Variants in PLCXD3 observed in about 807,000 individuals in gnomAD.
PLCXD3 encodes phosphatidylinositol specific phospholipase C X domain containing 3, also known as PI-PLC X domain-containing protein 3.
PLCXD3 carries 19 observed loss-of-function variants against 25.5 expected under a neutral mutation model. The ratio of observed to expected loss-of-function variants is 0.75; its 90% CI spans 0.52 to 1.09. The LOEUF is 1.09. PLCXD3 is among the 50% of genes least tolerant of loss of function. The pLI is 0.00. For synonymous variants in PLCXD3, 174 were observed against 137.6 expected (o/e 1.26, Z -1.85); for missense variants, 411 against 388.1 (o/e 1.06, Z -0.50).
At chr5:41,371,396 C>G (rs531902638) in intron 2 of PLCXD3, among the ~76,000 whole-genome samples, 97 of 152,272 alleles carry the variant, frequency 6.4e-4, no homozygotes, top group African/African-American at 2.2e-3. Flanking sequence ...CAGATAAGGT[C>G]ACCACCTCTC....
chr5:41,475,049 T>A (rs1748249968), intron 1 of PLCXD3, among the ~76,000 whole-genome samples: 1 of 152,156 alleles, frequency 6.6e-6, no homozygotes, highest in African/African-American at 2.4e-5. Context: ...CCTTTCCTGT[T>A]CACCACCCTC....
chr5:41,320,233 G>A (rs759511814), intron 2 of PLCXD3, among the ~76,000 whole-genome samples: 38 of 152,130 alleles, frequency 2.5e-4, no homozygotes, highest in Non-Finnish European at 5.1e-4. Flanking sequence ...AAATAGAGGA[G>A]GAGGGAATAT....
rs561688633 is a variant in PLCXD3 at position 41,499,998 on chromosome 5, G to A, written c.103+10426C>T. Among the ~76,000 whole-genome samples, 80 of 151,754 alleles carry A rather than the reference G, an allele frequency of 5.3e-4. 1 individual carries two copies. The highest frequency in any genetic ancestry group is 3.4e-3 in the Middle Eastern group (1 of 294). On this transcript the variant is annotated intron_variant, in intron 1 of 2. Transcript: ENST00000377801. ...ATGTAAATTAGTACAGCCTCTATGG[G>A]AAATAGTATGGCTATTTCTCAAAGA...
intron 1 of PLCXD3, among the ~76,000 whole-genome samples, chr5:41,501,592 T>C (rs1748951905): frequency 1.3e-5 from 2 of 151,972 alleles, no homozygotes; most frequent in Admixed American, 1.3e-4. Context: ...TCATGCAAGA[T>C]GAAAAAGTTC....
chr5:41,462,635 G>A (rs920700724), intron 1 of PLCXD3, among the ~76,000 whole-genome samples: 1 of 151,952 alleles, frequency 6.6e-6, no homozygotes, highest in South Asian at 2.1e-4. Flanking sequence ...GTAGAATAAA[G>A]TGTCTTCTTA....
At chr5:41,493,310 A>C (rs1487852971) in intron 1 of PLCXD3, among the ~76,000 whole-genome samples, 4 of 152,124 alleles carry the variant, frequency 2.6e-5, no homozygotes, top group African/African-American at 4.8e-5. Context: ...TCAGAGGAGT[A>C]CCTGGCCGTG....
chr5:41,396,607 G>A (rs1482108685), intron 1 of PLCXD3, among the ~76,000 whole-genome samples: 1 of 152,186 alleles, frequency 6.6e-6, no homozygotes, highest in Non-Finnish European at 1.5e-5. Flanking sequence ...TGGGTAATGG[G>A]CTGAGTTTAG....
intron 2 of PLCXD3, among the ~76,000 whole-genome samples, chr5:41,344,920 T>A (rs1364081600): frequency 6.6e-6 from 1 of 152,142 alleles, no homozygotes; most frequent in Admixed American, 6.6e-5. Flanking sequence ...TAAAATCAAA[T>A]CATTCCCTTC....
At chr5:41,334,011 A>C (rs973456303) in intron 2 of PLCXD3, among the ~76,000 whole-genome samples, 4 of 152,116 alleles carry the variant, frequency 2.6e-5, no homozygotes, top group African/African-American at 9.7e-5. Flanking sequence ...AGCAACCCTT[A>C]TTTGCTAAAT....
chr5:41,437,333 G>A (rs141320990), intron 1 of PLCXD3, among the ~76,000 whole-genome samples: 40 of 152,328 alleles, frequency 2.6e-4, no homozygotes, highest in African/African-American at 9.6e-4. Flanking sequence ...CAAATACGTG[G>A]TGATAGACAT....
At chr5:41,452,120 T>C (rs545852560) in intron 1 of PLCXD3, among the ~76,000 whole-genome samples, 2 of 152,132 alleles carry the variant, frequency 1.3e-5, no homozygotes, top group Admixed American at 1.3e-4. Context: ...TGATTCTGTC[T>C]CCCAAATTTG....
intron 1 of PLCXD3, among the ~76,000 whole-genome samples, chr5:41,414,896 A>G: frequency 6.6e-6 from 1 of 152,216 alleles, no homozygotes; most frequent in East Asian, 1.9e-4. Flanking sequence ...CTTGTGTTTA[A>G]ATAACTCTTA....
At chr5:41,435,567 A>G (rs1243615228) in intron 1 of PLCXD3, among the ~76,000 whole-genome samples, 2 of 152,148 alleles carry the variant, frequency 1.3e-5, no homozygotes, top group African/African-American at 4.8e-5. Context: ...GCCCTGAGCA[A>G]TCTTGGAAAA....
intron 1 of PLCXD3, among the ~76,000 whole-genome samples, chr5:41,499,295 G>A (rs537797535): frequency 2.0e-5 from 3 of 151,702 alleles, no homozygotes; most frequent in South Asian, 4.1e-4. Flanking sequence ...AGCAAATCTA[G>A]TACATTGCAG....
chr5:41,417,190 C>CGTAA (rs1746713973), intron 1 of PLCXD3, among the ~76,000 whole-genome samples: 1 of 152,166 alleles, frequency 6.6e-6, no homozygotes, highest in Admixed American at 6.5e-5. Context: ...ATTACTATTA[C>CGTAA]CCATTGAGGG....
At chr5:41,407,794 A>G (rs982162171) in intron 1 of PLCXD3, among the ~76,000 whole-genome samples, 2 of 152,202 alleles carry the variant, frequency 1.3e-5, no homozygotes, top group African/African-American at 4.8e-5. Flanking sequence ...ATCCTTTTCT[A>G]AAGAAAGCAT....
At chr5:41,440,215 A>ATTTT (rs70988846) in intron 1 of PLCXD3, among the ~76,000 whole-genome samples, 466 of 41,060 alleles carry the variant, frequency 0.011, 107 homozygotes, top group Non-Finnish European at 0.013. Flanking sequence ...TAATCTCTCA[A>ATTTT]TTTTTTTTTT....
chr5:41,345,431 G>A (rs894205162), intron 2 of PLCXD3, among the ~76,000 whole-genome samples: 16 of 152,044 alleles, frequency 1.1e-4, no homozygotes, highest in African/African-American at 3.4e-4. Context: ...ATATTATTCT[G>A]GGTCTGGTTT....
intron 1 of PLCXD3, among the ~76,000 whole-genome samples, chr5:41,458,035 T>G (rs1222217148): frequency 1.3e-5 from 2 of 151,854 alleles, no homozygotes; most frequent in African/African-American, 4.8e-5. Flanking sequence ...TCATTATGGT[T>G]GCTTGAGACA....
Sources: gnomAD v4.1 joint callset for allele counts (sites outside exome capture counted in the v4.1 genomes callset) on GRCh38, gnomAD v4.1.1 for gene constraint, MANE v1.5 for transcripts, NCBI Gene and HGNC (gene_info 2026-07-23, HGNC 2026-07-21) for gene names.